The following CNOT4 variants were observed in gnomAD, a reference collection of about 807,000 sequenced individuals.
CNOT4 encodes the protein CCR4-associated factor 4.
CNOT4 carries 8 observed loss-of-function variants against 73.8 expected under a neutral mutation model. The observed-to-expected ratio is 0.11, with a 90% CI of 0.06 to 0.20. CNOT4 has a LOEUF of 0.20. Ranked by LOEUF, CNOT4 falls within the 10% of genes least tolerant of loss-of-function variation. The probability of loss-of-function intolerance (pLI) is 1.00; values close to 1 mark genes in which losing one functional copy is unlikely to be tolerated. For synonymous variants in CNOT4, 293 were observed against 321.1 expected (o/e 0.91, Z 0.94); for missense variants, 564 against 883.4 (o/e 0.64, Z 4.58).
At chr7:135,481,797 G>A (rs1288095878) in intron 1 of CNOT4, among the ~76,000 whole-genome samples, 2 of 152,160 alleles carry the variant, frequency 1.3e-5, no homozygotes, top group African/African-American at 4.8e-5. Flanking sequence ...TAGATGAGCT[G>A]GAGGTTATTA....
intron 10 of CNOT4, chr7:135,388,722 A>G: frequency 1.3e-6 from 2 of 1,550,270 alleles, no homozygotes; most frequent in Non-Finnish European, 1.8e-6. Flanking sequence ...CAAAATCATA[A>G]AGGAATCATG....
chr7:135,423,722 C>T (rs1227829212), intron 2 of CNOT4, among the ~76,000 whole-genome samples: 3 of 152,084 alleles, frequency 2.0e-5, no homozygotes, highest in Non-Finnish European at 2.9e-5. Flanking sequence ...AAGATTCAGG[C>T]TTAATCCTTA....
At chr7:135,436,435 T>C (rs1183471762) in intron 2 of CNOT4, among the ~76,000 whole-genome samples, 1 of 151,938 alleles carries the variant, frequency 6.6e-6, no homozygotes, top group African/African-American at 2.4e-5. Context: ...ATCCTGAAAG[T>C]CATTACTTCT....
At position 135,364,718 on chromosome 7, in the gene CNOT4, C is replaced by G. The variant is rs1794822648; in HGVS notation, c.1628-652G>C. Reference sequence around the variant, plus strand: ...TAATTTCCAACACAGTCTGCCTGCTCTACTCCAACAGTTCTACCAATCATT... The same window carrying G: ...TAATTTCCAACACAGTCTGCCTGCTGTACTCCAACAGTTCTACCAATCATT... On this transcript the variant is annotated intron_variant, in intron 10 of 11. Coordinates refer to ENST00000541284, the MANE Select transcript of CNOT4 (RefSeq NM_001190850.2). This position sits in a 1 kb window ranked among gnomAD's most constrained non-coding sequence, Gnocchi z 4.3. Among the ~76,000 whole-genome samples, 1 of 152,226 alleles carries G rather than the reference C, an allele frequency of 6.6e-6. No individual in the cohort carries two copies. The highest frequency in any genetic ancestry group is 2.1e-4 in the South Asian group (1 of 4,834).
chr7:135,502,079 C>G (rs1419390859), intron 1 of CNOT4, among the ~76,000 whole-genome samples: 1 of 152,204 alleles, frequency 6.6e-6, no homozygotes, highest in Non-Finnish European at 1.5e-5. Flanking sequence ...GATGACATAG[C>G]ATGACGGCCC....
Position 135,381,751 on chromosome 7 carries a change from C to T in CNOT4, c.1627+12167G>A, listed in dbSNP as rs1795857715. 3.9e-5 allele frequency among the ~76,000 whole-genome samples: 6 copies of T among 152,196 alleles called. No individual in the cohort carries two copies. In the South Asian group the frequency reaches 1.0e-3, roughly 26 times the overall value. ...TGGTACTGGGTCACTGCATCATACA[C>T]TTTAAAATAATTAATTGAACGTTAT... is the stretch of plus-strand genomic sequence containing the variant. On this transcript the variant is annotated intron_variant, in intron 10 of 11. Coordinates refer to ENST00000541284, the MANE Select transcript of CNOT4 (RefSeq NM_001190850.2).
intron 1 of CNOT4, among the ~76,000 whole-genome samples, chr7:135,493,068 A>T (rs1803220387): frequency 6.6e-6 from 1 of 152,210 alleles, no homozygotes; most frequent in Non-Finnish European, 1.5e-5. Flanking sequence ...TAAGGAGAAC[A>T]AGAGAATGGT....
intron 1 of CNOT4, among the ~76,000 whole-genome samples, chr7:135,480,544 G>C (rs1208451799): frequency 6.6e-6 from 1 of 152,088 alleles, no homozygotes; most frequent in Non-Finnish European, 1.5e-5. Flanking sequence ...CAAAAATGCA[G>C]ATTCTGGAAA....
chr7:135,452,148 A>C (rs1418505929), intron 1 of CNOT4, among the ~76,000 whole-genome samples: 1 of 152,148 alleles, frequency 6.6e-6, no homozygotes, highest in East Asian at 1.9e-4. Flanking sequence ...CTGAGGCAGA[A>C]GGATCGCTTG....
chr7:135,396,050 T>G (rs1483545757), intron 8 of CNOT4, among the ~76,000 whole-genome samples, 167 bp from the exon 9 acceptor site: 3 of 151,426 alleles, frequency 2.0e-5, no homozygotes, highest in Non-Finnish European at 4.4e-5. Flanking sequence ...ATCATTAACT[T>G]ACATATATAC....
At chr7:135,421,857 C>T (rs1798212849) in intron 3 of CNOT4, among the ~76,000 whole-genome samples, 1 of 152,174 alleles carries the variant, frequency 6.6e-6, no homozygotes. Context: ...ACATGTTAGC[C>T]TTAACAGCAA....
chr7:135,481,584 C>G (rs985347769), intron 1 of CNOT4, among the ~76,000 whole-genome samples: 6 of 152,168 alleles, frequency 3.9e-5, no homozygotes, highest in African/African-American at 1.4e-4. Context: ...ATCTGGCAAT[C>G]CCACCACTGT....
intron 8 of CNOT4, among the ~76,000 whole-genome samples, 173 bp from the exon 9 acceptor site, chr7:135,396,056 T>C (rs532647970): frequency 6.6e-5 from 10 of 150,810 alleles, no homozygotes; most frequent in African/African-American, 2.4e-4. Context: ...AACTTACATA[T>C]ATACTCTTTA....
At chr7:135,476,205 G>A (rs1237864456) in intron 1 of CNOT4, among the ~76,000 whole-genome samples, 1 of 152,132 alleles carries the variant, frequency 6.6e-6, no homozygotes, top group Non-Finnish European at 1.5e-5. Context: ...AGTAGGGGCT[G>A]TTATCTTCAA....
chr7:135,479,408 G>A (rs1330387210), intron 1 of CNOT4, among the ~76,000 whole-genome samples: 4 of 150,972 alleles, frequency 2.6e-5, no homozygotes, highest in African/African-American at 7.3e-5. Context: ...ACAGGGTTTC[G>A]TTATGTTGGC....
intron 10 of CNOT4, among the ~76,000 whole-genome samples, chr7:135,371,126 G>A (rs1156544713): frequency 6.6e-6 from 1 of 152,344 alleles, no homozygotes. Context: ...ATGAGGTTAA[G>A]TAGTAGGTTC....
At chr7:135,381,802 A>C (rs1795861276) in intron 10 of CNOT4, among the ~76,000 whole-genome samples, 1 of 152,230 alleles carries the variant, frequency 6.6e-6, no homozygotes, top group South Asian at 2.1e-4. Context: ...TATAAAAAAG[A>C]AAGAAAGGTA....
chr7:135,406,640 G>A (rs901000512), intron 7 of CNOT4, among the ~76,000 whole-genome samples: 1 of 152,112 alleles, frequency 6.6e-6, no homozygotes, highest in Non-Finnish European at 1.5e-5. Flanking sequence ...CAGCCCAGGT[G>A]ACAGCAAGAC....
chr7:135,411,879 A>G (rs537465834), intron 6 of CNOT4, among the ~76,000 whole-genome samples: 1 of 152,016 alleles, frequency 6.6e-6, no homozygotes, highest in South Asian at 2.1e-4. Context: ...AATATTTCCT[A>G]TGGCACTAAA....
Sources: gnomAD v4.1 joint callset for allele counts (sites outside exome capture counted in the v4.1 genomes callset) on GRCh38, gnomAD v4.1.1 for gene constraint, Gnocchi (gnomAD v3.1) non-coding constraint, MANE v1.5 for transcripts, NCBI Gene and HGNC (gene_info 2026-07-23, HGNC 2026-07-21) for gene names.